BBX: variants seen among roughly 807,000 people sequenced by gnomAD.
BBX encodes the protein BBX high mobility group box domain containing.
A neutral mutation model predicts 100.2 loss-of-function variants in BBX; 30 were observed. The ratio of observed to expected loss-of-function variants is 0.30; its 90% CI spans 0.22 to 0.41. The LOEUF (loss-of-function observed/expected upper bound fraction) is 0.41, where lower values mean the gene tolerates loss of function less well. BBX is among the 10% of genes least tolerant of loss of function. The pLI, the probability that BBX is intolerant of heterozygous loss-of-function variation, is 1.00. For missense variants in BBX, 1,023 were observed against 1,129.8 expected, an observed-to-expected ratio of 0.91 and a Z score of 1.35; for synonymous variants, 376 against 388.1, an observed-to-expected ratio of 0.97 and a Z score of 0.37.
intron 2 of BBX, among the ~76,000 whole-genome samples, chr3:107,573,297 C>T (rs922032682): frequency 4.6e-4 from 70 of 152,242 alleles, no homozygotes; most frequent in African/African-American, 1.5e-3. Context: ...CGGTGGCTCA[C>T]GTCTGTAATC....
At chr3:107,535,882 A>G (rs1433778673) in intron 2 of BBX, among the ~76,000 whole-genome samples, 1 of 152,264 alleles carries the variant, frequency 6.6e-6, no homozygotes, top group African/African-American at 2.4e-5. Flanking sequence ...TATAGGCGTG[A>G]GCCACCACAC....
chr3:107,564,585 C>G (rs2050740408), intron 2 of BBX, among the ~76,000 whole-genome samples: 2 of 152,174 alleles, frequency 1.3e-5, no homozygotes, highest in African/African-American at 2.4e-5. Context: ...TCTCAATCCT[C>G]CACACAGGGG....
At chr3:107,629,615 G>A (rs2056423863) in intron 2 of BBX, among the ~76,000 whole-genome samples, 1 of 151,902 alleles carries the variant, frequency 6.6e-6, no homozygotes, top group Non-Finnish European at 1.5e-5. Flanking sequence ...ACATCATTCA[G>A]TGCCAAACGT....
rs771853204 is a variant in BBX, at chr3:107,774,785, C to T, written c.1982C>T (p.Thr661Ile). 13 of 1,613,592 alleles carry T rather than the reference C, an allele frequency of 8.1e-6. No homozygotes were observed. Among genetic ancestry groups the T allele is most frequent in the African/African-American group, 1.3e-5 (1 of 75,004 alleles). ...GGGTGTTGGAATGAAGAAAGCTGGA[C>T]ATTTAGTCAGAGTGGGACCAGTGGG... ...HEGCWNEESW[T>I]FSQSGTSGSK... is the part of the protein sequence containing the mutation. Residue 661 changes from threonine (T) to isoleucine (I), a missense_variant, in exon 12 of 18, where the codon ACA becomes ATA. By Grantham distance (89) the Thr-to-Ile change is moderately conservative. Coordinates refer to ENST00000325805, the MANE Select transcript of BBX (RefSeq NM_001142568.3).
At chr3:107,697,451 C>G (rs937573603) in intron 3 of BBX, among the ~76,000 whole-genome samples, 1 of 151,720 alleles carries the variant, frequency 6.6e-6, no homozygotes, top group Non-Finnish European at 1.5e-5. Context: ...GTTGGAGTAC[C>G]TGGCCTTGTG....
At chr3:107,782,889 G>C (rs954428469) in intron 13 of BBX, among the ~76,000 whole-genome samples, 1 of 152,112 alleles carries the variant, frequency 6.6e-6, no homozygotes, top group South Asian at 2.1e-4. Context: ...AATTTGGTAG[G>C]GAAAGAGATG....
At position 107,808,168 on chromosome 3, in the gene BBX, G is replaced by A. The variant is rs1046113596; in HGVS notation, c.*2711G>A. 1.3e-5 allele frequency: 2 copies of A among 151,904 alleles called. No homozygotes were observed. The highest frequency in any genetic ancestry group is 2.4e-5 in the African/African-American group (1 of 41,326). 9.4% of individuals were successfully genotyped at this position (151,904 alleles called of 1,614,324 possible). On this transcript the variant is annotated 3_prime_UTR_variant, in exon 18 of 18. Coordinates refer to ENST00000325805, the MANE Select transcript of BBX (RefSeq NM_001142568.3). ...TATTTTGGAAAATCATATTGCTATA[G>A]TGTGTACTTTAATCTGCCAGCAGAT...
chr3:107,697,182 CCTT>C (rs2060675104), intron 3 of BBX, among the ~76,000 whole-genome samples: 1 of 151,850 alleles, frequency 6.6e-6, no homozygotes, highest in Non-Finnish European at 1.5e-5. Context: ...TCGTCTGAAG[CCTT>C]CTTCTCTCAG....
At chr3:107,523,235 C>T in intron 1 of BBX, 128 bp downstream of exon 1, 1 of 224,642 alleles carries the variant, frequency 4.5e-6, no homozygotes, top group South Asian at 5.1e-5. Context: ...GCGGCGGCGG[C>T]GGCGGCGGCG....
intron 2 of BBX, among the ~76,000 whole-genome samples, chr3:107,593,692 G>C (rs879230590): frequency 6.6e-6 from 1 of 152,168 alleles, no homozygotes; most frequent in Admixed American, 6.5e-5. Flanking sequence ...GAATACATAG[G>C]ATGCAACCTA....
In BBX at chr3:107,574,855, G is replaced by A. The variant is rs139041021; in HGVS notation, c.-84+48457G>A. 8.7e-3 allele frequency among the ~76,000 whole-genome samples: 1,330 copies of A among 152,300 alleles called. 26 individuals carry two copies. The highest frequency in any genetic ancestry group is 0.03 in the African/African-American group (1,267 of 41,546). ...TAGAGGGCAGTATAAGCCAACTCAAGTGGACTTTCCTGGGTTAGTGAAGTG... is the reference window on the plus strand; with the variant it reads ...TAGAGGGCAGTATAAGCCAACTCAAATGGACTTTCCTGGGTTAGTGAAGTG... On this transcript the variant is annotated intron_variant, in intron 2 of 17. Coordinates refer to ENST00000325805, the MANE Select transcript of BBX (RefSeq NM_001142568.3).
intron 3 of BBX, among the ~76,000 whole-genome samples, chr3:107,706,285 T>G (rs745685360): frequency 6.6e-6 from 1 of 152,116 alleles, no homozygotes; most frequent in Non-Finnish European, 1.5e-5. Context: ...CCTCCCAAAA[T>G]GCTGGGAGAT....
chr3:107,605,479 A>C (rs1448988466), intron 2 of BBX, among the ~76,000 whole-genome samples: 1 of 152,092 alleles, frequency 6.6e-6, no homozygotes, highest in Non-Finnish European at 1.5e-5. Flanking sequence ...CAAAGCAATA[A>C]AAAGAGGAGT....
At chr3:107,749,490 G>A (rs902850190) in intron 9 of BBX, among the ~76,000 whole-genome samples, 2 of 152,010 alleles carry the variant, frequency 1.3e-5, no homozygotes, top group Non-Finnish European at 2.9e-5. Context: ...GAAAGGTAGC[G>A]GCTCATCTTT....
chr3:107,786,897 A>T (rs529778886), intron 13 of BBX, among the ~76,000 whole-genome samples: 34 of 148,122 alleles, frequency 2.3e-4, no homozygotes, highest in Non-Finnish European at 3.9e-4. Context: ...CATATCTGAT[A>T]AAAAAACTTT....
intron 2 of BBX, among the ~76,000 whole-genome samples, chr3:107,589,582 T>C (rs1157095281): frequency 6.6e-6 from 1 of 152,296 alleles, no homozygotes; most frequent in Non-Finnish European, 1.5e-5. Context: ...TGGCACTGTT[T>C]GAAGAAGTTC....
intron 5 of BBX, among the ~76,000 whole-genome samples, chr3:107,728,212 A>C (rs1396030898): frequency 1.2e-4 from 19 of 152,308 alleles, no homozygotes. Context: ...GTTACACTTT[A>C]TAAGTAGAGG....
intron 13 of BBX, among the ~76,000 whole-genome samples, chr3:107,782,799 C>T (rs2068030821): frequency 6.6e-6 from 1 of 152,014 alleles, no homozygotes; most frequent in African/African-American, 2.4e-5. Context: ...TAAGTGGAGA[C>T]CTAAGCCAGT....
At chr3:107,652,815 T>C (rs909159922) in intron 3 of BBX, among the ~76,000 whole-genome samples, 6 of 152,226 alleles carry the variant, frequency 3.9e-5, no homozygotes, top group African/African-American at 1.4e-4. Flanking sequence ...GTGTAAAATA[T>C]TCATTTACTG....
Sources: gnomAD v4.1 joint callset for allele counts (sites outside exome capture counted in the v4.1 genomes callset) on GRCh38, gnomAD v4.1.1 for gene constraint, MANE v1.5 for transcripts, NCBI Gene and HGNC (gene_info 2026-07-23, HGNC 2026-07-21) for gene names.